Variants in DNAH12 observed in about 807,000 individuals in gnomAD.
DNAH12 encodes the protein axonemal beta dynein heavy chain 12.
DNAH12 carries 285 observed loss-of-function variants against 371.5 expected under a neutral mutation model. The ratio of observed to expected loss-of-function variants is 0.77; its 90% CI spans 0.70 to 0.85. DNAH12 has a LOEUF of 0.85. DNAH12 is among the 40% of genes least tolerant of loss of function. The pLI is 0.00. For synonymous variants in DNAH12, 1,200 were observed against 1,213.0 expected (o/e 0.99, Z 0.22); for missense variants, 3,611 against 3,689.4 (o/e 0.98, Z 0.55).
At position 57,542,904 on chromosome 3, in the gene DNAH12, C is replaced by T. The variant is rs2069356609; in HGVS notation, c.-33-1G>A. 6.6e-7 allele frequency: 1 copy of T among 1,507,806 alleles called. No individual in the cohort carries two copies. The highest frequency in any genetic ancestry group is 1.4e-5 in the African/African-American group (1 of 70,744). The allele number at this position is 1,507,806 out of a possible 1,614,324, so 93.4% of individuals were successfully genotyped here. A position where few individuals can be genotyped will look rare whatever the true frequency, so the allele number is the denominator to read the frequency against. On this transcript the variant is annotated splice_acceptor_variant, in intron 1 of 73. Transcript: ENST00000495027. LOFTEE classifies it low-confidence loss of function (5UTR_SPLICE). ...CCTAAAGATTAAAATACTCTGTACTCTGAGGAGAAAAAGTCCATAAAGCCA... is the reference window on the plus strand; with the variant it reads ...CCTAAAGATTAAAATACTCTGTACTTTGAGGAGAAAAAGTCCATAAAGCCA...
At chr3:57,511,975 A>G (rs1205986812) in intron 4 of DNAH12, among the ~76,000 whole-genome samples, 3 of 152,032 alleles carry the variant, frequency 2.0e-5, no homozygotes, top group African/African-American at 7.2e-5. Flanking sequence ...AACATAGATG[A>G]AGTCTTTTAT....
At chr3:57,519,985 T>C in intron 4 of DNAH12, 1 of 815,210 alleles carries the variant, frequency 1.2e-6, no homozygotes, top group Non-Finnish European at 2.1e-6. Flanking sequence ...GGCGTAGGGT[T>C]CCTCGCCGTC....
At chr3:57,387,316 T>C (rs1654149961) in intron 45 of DNAH12, 97 bp from the exon 46 acceptor site, 1 of 152,208 alleles carries the variant, frequency 6.6e-6, no homozygotes, top group Admixed American at 6.5e-5. Flanking sequence ...CATGACTTTC[T>C]ATGGGAGAAT....
intron 65 of DNAH12, among the ~76,000 whole-genome samples, chr3:57,315,024 A>AATATATCCCAAT (rs1366908959): frequency 1.3e-5 from 2 of 152,200 alleles, no homozygotes; most frequent in Non-Finnish European, 2.9e-5. Flanking sequence ...TTATGATATG[A>AATATATCCCAAT]ATAAATCCCA....
chr3:57,371,249 T>G (rs1205916528), intron 55 of DNAH12, among the ~76,000 whole-genome samples: 1 of 152,120 alleles, frequency 6.6e-6, no homozygotes, highest in Non-Finnish European at 1.5e-5. Context: ...AAGTTTAGTT[T>G]TTTTTATTCT....
intron 45 of DNAH12, among the ~76,000 whole-genome samples, chr3:57,389,151 C>A (rs953274772): frequency 6.6e-6 from 1 of 151,526 alleles, no homozygotes; most frequent in Non-Finnish European, 1.5e-5. Flanking sequence ...GTCACCAGTT[C>A]ATGTATATTT....
chr3:57,553,189 A>G, the DNAH12 span, among the ~76,000 whole-genome samples: 1 of 152,220 alleles, frequency 6.6e-6, no homozygotes, highest in Non-Finnish European at 1.5e-5. Flanking sequence ...AAAAATAAAT[A>G]AATAAAGAGC....
rs768002821 is a variant in DNAH12 at position 57,334,907 on chromosome 3, C to T, written c.9708G>A (p.Met3236Ile). 6.4e-6 allele frequency: 10 copies of T among 1,551,236 alleles called. No homozygotes were observed. The highest frequency in any genetic ancestry group is 1.4e-5 in the African/African-American group (1 of 73,026). The change falls in exon 61 of 74, where the codon ATG becomes ATA. Residue 3236 changes from methionine (M) to isoleucine (I), a missense_variant. This residue lies in a region of DNAH12 where 2,266 missense variants were observed against 2,236.9 expected (regional missense o/e 1.01). Coordinates refer to ENST00000495027, the MANE Select transcript of DNAH12 (RefSeq NM_001366028.2). ...ARKEIEYQELMFLLTGGVSLK... is the reference protein window; with the variant it reads ...ARKEIEYQELIFLLTGGVSLK... ...GACTTACTCCTCCAGTTAAAAGAAA[C>T]ATCAGTTCCTGGTATTCAATCTCTT... is the stretch of plus-strand genomic sequence containing the variant.
chr3:57,329,664 T>A (rs1197490863), intron 62 of DNAH12, among the ~76,000 whole-genome samples: 1 of 148,352 alleles, frequency 6.7e-6, no homozygotes, highest in Non-Finnish European at 1.5e-5. Context: ...AAGGACTTCA[T>A]GTCTAAAACA....
chr3:57,483,362 T>C lies in DNAH12; in HGVS notation c.1650+14A>G, dbSNP rs1575665980. 6.5e-7 allele frequency: 1 copy of C among 1,539,460 alleles called. No homozygotes were observed. The highest frequency in any genetic ancestry group is 8.7e-7 in the Non-Finnish European group (1 of 1,144,300). ...ATGAAAACAAACCAAAATATGCAAA[T>C]TAAAATTCCTTACCTGGATCCTTAA... On this transcript the variant is annotated intron_variant, in intron 13 of 73. Transcript: ENST00000495027.
At position 57,323,619 on chromosome 3, in the gene DNAH12, T is replaced by C. The variant is rs2061861102; in HGVS notation, c.9979A>G (p.Ile3327Val). 2 of 1,536,450 alleles carry C rather than the reference T, an allele frequency of 1.3e-6. No individual in the cohort carries two copies. The highest frequency in any genetic ancestry group is 8.8e-7 in the Non-Finnish European group (1 of 1,142,618). ...ACATAGTTTGTTATAGCTGGGGTTATCTGTTGAAGAGAAAAGATATGATCT... is the reference window on the plus strand; with the variant it reads ...ACATAGTTTGTTATAGCTGGGGTTACCTGTTGAAGAGAAAAGATATGATCT... ...IILRCLRPDK[I>V]TPAITNYVTD... Residue 3327 changes from isoleucine to valine, a missense_variant and splice_region_variant, in exon 63 of 74, where the codon ATA (isoleucine) becomes GTA (valine). Coordinates refer to ENST00000495027, the MANE Select transcript of DNAH12 (RefSeq NM_001366028.2).
intron 62 of DNAH12, among the ~76,000 whole-genome samples, chr3:57,325,287 T>C (rs1421880271): frequency 6.6e-6 from 1 of 152,204 alleles, no homozygotes; most frequent in African/African-American, 2.4e-5. Context: ...GTCCCTGACC[T>C]CTGACCCCTG....
Position 57,499,648 on chromosome 3 carries a change from ATATATAT to A in DNAH12, c.1335+1666_1335+1672del, listed in dbSNP as rs1470458444. Among the ~76,000 whole-genome samples the A allele has an allele frequency of 3.8e-4, 8 of 21,300 alleles. No homozygotes were observed. The South Asian group carries it at 7.4e-3, about 20-fold the overall frequency. The allele number at this position is 21,300 out of a possible 152,430, so 14.0% of individuals were successfully genotyped here. ...ATCTCTACAAAAAAAAAAAAAAAAA[ATATATAT>A]ATATATATATATATATATATACTTC... On this transcript the variant is annotated intron_variant, in intron 11 of 73. Coordinates refer to ENST00000495027, the MANE Select transcript of DNAH12 (RefSeq NM_001366028.2).
chr3:57,311,265 C>T (rs1486986665), intron 66 of DNAH12, among the ~76,000 whole-genome samples: 1 of 152,078 alleles, frequency 6.6e-6, no homozygotes, highest in East Asian at 1.9e-4. Flanking sequence ...TTAGTAGAGA[C>T]AGGGTTTCAC....
At chr3:57,359,452 C>G (rs1054320758) in intron 58 of DNAH12, among the ~76,000 whole-genome samples, 3 of 149,714 alleles carry the variant, frequency 2.0e-5, no homozygotes, top group Non-Finnish European at 4.4e-5. Flanking sequence ...CCAGCTACTC[C>G]AGAGGCTGAG....
intron 59 of DNAH12, among the ~76,000 whole-genome samples, chr3:57,354,921 C>T (rs2062763023): frequency 6.6e-6 from 1 of 151,980 alleles, no homozygotes; most frequent in South Asian, 2.1e-4. Context: ...TTTGAAGTAA[C>T]AAAAGCACAG....
Position 57,458,131 on chromosome 3 carries a change from T to C in DNAH12, c.3021A>G (p.Ala1007=). ...LLEKIMKGLN[A]YLEKKRLFFP... ...AGAAAAGACGTTTCTTTTCAAGATA[T>C]GCGTTAAGACCTTTCATAATTTTCT... Residue 1007 remains alanine, a synonymous_variant, in exon 21 of 74, where the codon GCA becomes GCG. Transcript: ENST00000495027. The C allele has an allele frequency of 6.5e-7, 1 of 1,547,702 alleles. No homozygotes were observed. The highest frequency in any genetic ancestry group is 1.4e-5 in the African/African-American group (1 of 72,960).
At chr3:57,377,702 A>C (rs1176215533) in intron 52 of DNAH12, among the ~76,000 whole-genome samples, 2 of 152,106 alleles carry the variant, frequency 1.3e-5, no homozygotes, top group African/African-American at 4.8e-5. Flanking sequence ...AATAAAAAGG[A>C]AGAAAACCTC....
At chr3:57,429,285 T>C (rs915640700) in intron 33 of DNAH12, among the ~76,000 whole-genome samples, 1 of 152,032 alleles carries the variant, frequency 6.6e-6, no homozygotes, top group African/African-American at 2.4e-5. Context: ...CAAGCGATTC[T>C]CCTGCCTCAG....
Sources: gnomAD v4.1 joint callset for allele counts (sites outside exome capture counted in the v4.1 genomes callset) on GRCh38, gnomAD v4.1.1 for gene constraint, gnomAD v4.1.1 regional missense constraint, MANE v1.5 for transcripts, NCBI Gene and HGNC (gene_info 2026-07-23, HGNC 2026-07-21) for gene names.